The following PDS5B variants were observed in gnomAD, a reference collection of about 807,000 sequenced individuals.
The protein encoded by PDS5B is sister chromatid cohesion protein PDS5 homolog B.
A neutral mutation model predicts 184.1 loss-of-function variants in PDS5B; 51 were observed. The observed-to-expected ratio is 0.28, with a 90% CI of 0.22 to 0.35. The LOEUF is 0.35. PDS5B is among the 10% of genes least tolerant of loss of function. PDS5B has a pLI of 1.00. For missense variants in PDS5B, 1,180 were observed against 1,723.3 expected (o/e 0.68, Z 5.58); for synonymous variants, 566 against 569.2 (o/e 0.99, Z 0.08).
chr13:32,594,712 C>T (rs1212647997), intron 1 of PDS5B, among the ~76,000 whole-genome samples: 2 of 152,092 alleles, frequency 1.3e-5, no homozygotes, highest in Non-Finnish European at 2.9e-5. Context: ...TGTTTTTGTA[C>T]CCTCATGCTG....
chr13:32,640,902 A>G (rs1376304057), intron 1 of PDS5B, among the ~76,000 whole-genome samples: 1 of 151,686 alleles, frequency 6.6e-6, no homozygotes, highest in Non-Finnish European at 1.5e-5. Flanking sequence ...AAAAAAATAC[A>G]AAAAATTAGC....
intron 25 of PDS5B, among the ~76,000 whole-genome samples, 167 bp from the exon 26 acceptor site, chr13:32,755,675 A>G (rs756676113): frequency 7.9e-5 from 12 of 152,156 alleles, no homozygotes; most frequent in Non-Finnish European, 1.5e-4. Flanking sequence ...GGGTATTTCA[A>G]TATATTTTTC....
In PDS5B at chr13:32,773,292, G is replaced by A; in HGVS notation, c.4276G>A (p.Glu1426Lys). The A allele has an allele frequency of 1.2e-6, 2 of 1,613,006 alleles. No individual in the cohort carries two copies. The highest frequency in any genetic ancestry group is 1.7e-6 in the Non-Finnish European group (2 of 1,179,440). Reference sequence around the variant, plus strand: ...TCCTGTCGATGATATTCCACAGGAAGAAACAGAGGAGGAGGAAGTTTCTAC... The same window carrying A: ...TCCTGTCGATGATATTCCACAGGAAAAAACAGAGGAGGAGGAAGTTTCTAC... ...SSPVDDIPQEETEEEEVSTVN... is the reference protein window; with the variant it reads ...SSPVDDIPQEKTEEEEVSTVN... Residue 1426 changes from glutamate (E) to lysine (K), a missense_variant, in exon 34 of 35, where the codon GAA (glutamate) becomes AAA (lysine). Coordinates refer to ENST00000315596, the MANE Select transcript of PDS5B (RefSeq NM_015032.4).
chr13:32,753,969 T>G (rs1296029241), intron 25 of PDS5B, among the ~76,000 whole-genome samples: 2 of 152,202 alleles, frequency 1.3e-5, no homozygotes, highest in East Asian at 3.9e-4. Context: ...TTAGTTGGTG[T>G]GCCTCTTGAC....
At chr13:32,698,689 A>C (rs1370870349) in intron 15 of PDS5B, among the ~76,000 whole-genome samples, 1 of 151,876 alleles carries the variant, frequency 6.6e-6, no homozygotes, top group Non-Finnish European at 1.5e-5. Context: ...TGAAGACTAC[A>C]TTTACTATGT....
Position 32,755,971 on chromosome 13 carries a change from A to G in PDS5B, c.3056+15A>G. ...GATGTTAAAGAGTAAGACTTTTTCC[A>G]TCCCATTTTCATATTTTCTGAAAGT... On this transcript the variant is annotated intron_variant, in intron 26 of 34. Transcript: ENST00000315596. 3.3e-6 allele frequency: 4 copies of G among 1,197,484 alleles called. No individual in the cohort carries two copies. Among genetic ancestry groups the G allele is most frequent in the Non-Finnish European group, 4.9e-6 (4 of 822,752 alleles). The allele number at this position is 1,197,484 out of a possible 1,614,324, so 74.2% of individuals were successfully genotyped here. A position where few individuals can be genotyped will look rare whatever the true frequency, so the allele number is the denominator to read the frequency against.
At chr13:32,618,407 G>A (rs1264515052) in intron 1 of PDS5B, among the ~76,000 whole-genome samples, 1 of 152,116 alleles carries the variant, frequency 6.6e-6, no homozygotes, top group Non-Finnish European at 1.5e-5. Context: ...CCACTGTTCT[G>A]AGTGGTATGA....
chr13:32,656,789 G>T (rs1383798640), intron 3 of PDS5B, among the ~76,000 whole-genome samples: 1 of 152,006 alleles, frequency 6.6e-6, no homozygotes. Context: ...TAGAGATGGG[G>T]TTTTGCCATG....
chr13:32,761,018 A>G (rs1954376620), intron 30 of PDS5B, among the ~76,000 whole-genome samples: 1 of 152,206 alleles, frequency 6.6e-6, no homozygotes, highest in Non-Finnish European at 1.5e-5. Context: ...ATGGTGTATG[A>G]TACAATGGAA....
chr13:32,597,118 G>A (rs1285881885), intron 1 of PDS5B, among the ~76,000 whole-genome samples: 3 of 151,884 alleles, frequency 2.0e-5, no homozygotes, highest in Non-Finnish European at 4.4e-5. Flanking sequence ...ACTGCAGCCT[G>A]GAACTTTTGG....
intron 1 of PDS5B, among the ~76,000 whole-genome samples, chr13:32,591,163 C>CT (rs2057769467): frequency 6.6e-6 from 1 of 151,842 alleles, no homozygotes; most frequent in Non-Finnish European, 1.5e-5. Context: ...GAGTCTCGCT[C>CT]CGTTGCCCAG....
intron 2 of PDS5B, chr13:32,649,937 A>G (rs1219499333): frequency 6.6e-6 from 1 of 152,140 alleles, no homozygotes; most frequent in Non-Finnish European, 1.5e-5. Context: ...CTATGTATTT[A>G]CCTTCTCTTG....
At chr13:32,714,540 A>G (rs1490546488) in intron 19 of PDS5B, among the ~76,000 whole-genome samples, 1 of 152,200 alleles carries the variant, frequency 6.6e-6, no homozygotes, top group African/African-American at 2.4e-5. Context: ...CTCAACCATA[A>G]GAGACAGGCG....
At chr13:32,615,694 C>G (rs945463512) in intron 1 of PDS5B, among the ~76,000 whole-genome samples, 2 of 152,036 alleles carry the variant, frequency 1.3e-5, no homozygotes, top group Admixed American at 1.3e-4. Context: ...CCAGCTGTAT[C>G]AAATACAAGT....
intron 3 of PDS5B, among the ~76,000 whole-genome samples, chr13:32,655,126 CT>C (rs1950468511): frequency 1.3e-5 from 2 of 151,502 alleles, no homozygotes; most frequent in African/African-American, 2.4e-5. Flanking sequence ...AATGGCTGAA[CT>C]AATTTATATT....
intron 1 of PDS5B, among the ~76,000 whole-genome samples, chr13:32,614,744 G>A (rs1212017164): frequency 6.6e-6 from 1 of 152,212 alleles, no homozygotes; most frequent in East Asian, 1.9e-4. Context: ...GGTTGAGTGA[G>A]CTGTCTAAGG....
intron 19 of PDS5B, among the ~76,000 whole-genome samples, chr13:32,714,059 A>C (rs1465610782): frequency 6.6e-6 from 1 of 152,216 alleles, no homozygotes; most frequent in Non-Finnish European, 1.5e-5. Flanking sequence ...AAGCCACAAA[A>C]ACCAGCAAGT....
chr13:32,775,945 T>G lies in PDS5B; in HGVS notation c.*893T>G, dbSNP rs556748947. 50 of 208,412 alleles carry G rather than the reference T, an allele frequency of 2.4e-4. 1 individual carries two copies. In the South Asian group the frequency reaches 3.2e-3, roughly 13 times the overall value. 12.9% of individuals were successfully genotyped at this position (208,412 alleles called of 1,614,324 possible). A position where few individuals can be genotyped will look rare whatever the true frequency, so the allele number is the denominator to read the frequency against. Reference sequence around the variant, plus strand: ...TAGAATGTTATTGTGTATAGATATTTCCTCTTGAACGTTATGTTCAGAAAA... The same window carrying G: ...TAGAATGTTATTGTGTATAGATATTGCCTCTTGAACGTTATGTTCAGAAAA... On this transcript the variant is annotated 3_prime_UTR_variant, in exon 35 of 35. Coordinates refer to ENST00000315596, the MANE Select transcript of PDS5B (RefSeq NM_015032.4).
At position 32,755,862 on chromosome 13, in the gene PDS5B, C is replaced by T; in HGVS notation, c.2962C>T (p.Pro988Ser). Residue 988 changes from proline (P) to serine (S), a missense_variant, in exon 26 of 35, where the codon CCA becomes TCA. This residue lies in a region of PDS5B where 57 missense variants were observed against 80.9 expected (regional missense o/e 0.70). Coordinates refer to ENST00000315596, the MANE Select transcript of PDS5B (RefSeq NM_015032.4). The stretch of plus-strand genomic sequence containing the variant: ...TTCAGAAAAATTATTGTCTCTTCTA[C>T]CAGAGTATGTTGTTCCATATACAAT... The part of the protein sequence containing the change: ...AVSEKLLSLL[P>S]EYVVPYTIHL... 7.0e-7 allele frequency: 1 copy of T among 1,422,296 alleles called. No homozygotes were observed. Among genetic ancestry groups the T allele is most frequent in the Non-Finnish European group, 9.6e-7 (1 of 1,043,468 alleles). 88.1% of individuals were successfully genotyped at this position (1,422,296 alleles called of 1,614,324 possible).
Sources: gnomAD v4.1 joint callset for allele counts (sites outside exome capture counted in the v4.1 genomes callset) on GRCh38, gnomAD v4.1.1 for gene constraint, gnomAD v4.1.1 regional missense constraint, MANE v1.5 for transcripts, NCBI Gene and HGNC (gene_info 2026-07-23, HGNC 2026-07-21) for gene names.